MEF2D: variants seen among roughly 807,000 people sequenced by gnomAD.
MEF2D encodes the protein myocyte-specific enhancer factor 2D.
Under a neutral mutation model 59.3 loss-of-function variants are expected in MEF2D, and 10 were observed. That is an observed-to-expected ratio of 0.17 (90% CI 0.10 to 0.29). The LOEUF (loss-of-function observed/expected upper bound fraction) is 0.29. Among genes scored for constraint, MEF2D ranks in the 10% least tolerant of loss-of-function variants. The probability of loss-of-function intolerance (pLI) is 1.00; values close to 1 mark genes in which losing one functional copy is unlikely to be tolerated. For missense variants in MEF2D, 508 were observed against 699.4 expected, an observed-to-expected ratio of 0.73 and a Z score of 3.09; for synonymous variants, 305 against 295.0, an observed-to-expected ratio of 1.03 and a Z score of -0.35.
Position 156,485,701 on chromosome 1 carries a change from CTTT to C in MEF2D, c.-138-2274_-138-2272del, listed in dbSNP as rs534807814. On this transcript the variant is annotated intron_variant, in intron 1 of 11. Transcript: ENST00000348159. Reference sequence around the variant, plus strand: ...CACCCAGGTAATTTATTAATAATTTCTTTTTTTTTTTTTTGGTAGATACAGGGT... The same window carrying C: ...CACCCAGGTAATTTATTAATAATTTCTTTTTTTTTTTGGTAGATACAGGGT... Among the ~76,000 whole-genome samples, 5 of 134,708 alleles carry C rather than the reference CTTT, an allele frequency of 3.7e-5. No individual in the cohort carries two copies. In the South Asian group the frequency reaches 7.3e-4, roughly 20 times the overall value. The allele number at this position is 134,708 out of a possible 152,430, so 88.4% of individuals were successfully genotyped here. A position where few individuals can be genotyped will look rare whatever the true frequency, so the allele number is the denominator to read the frequency against.
intron 7 of MEF2D, chr1:156,476,779 T>C: frequency 3.1e-6 from 2 of 640,466 alleles, no homozygotes; most frequent in East Asian, 2.7e-5. Flanking sequence ...CCCCACCACT[T>C]CTCTCTCACC....
At chr1:156,492,192 G>GGA (rs1401438099) in intron 1 of MEF2D, among the ~76,000 whole-genome samples, 1 of 152,260 alleles carries the variant, frequency 6.6e-6, no homozygotes, top group African/African-American at 2.4e-5. Context: ...GGCAGCAGCA[G>GGA]GAGGGAGGTG....
At chr1:156,487,303 C>T (rs1246778296) in intron 1 of MEF2D, among the ~76,000 whole-genome samples, 1 of 152,138 alleles carries the variant, frequency 6.6e-6, no homozygotes, top group Non-Finnish European at 1.5e-5. Context: ...AAGACTAGGC[C>T]CCATCTATCC....
At chr1:156,493,562 G>GC (rs1236036716) in intron 1 of MEF2D, among the ~76,000 whole-genome samples, 1 of 150,564 alleles carries the variant, frequency 6.6e-6, no homozygotes, top group Non-Finnish European at 1.5e-5. Context: ...ATGGAGGGGG[G>GC]CCCAGAAGGA....
chr1:156,478,493 C>T (rs762656098), intron 6 of MEF2D, among the ~76,000 whole-genome samples: 7 of 152,070 alleles, frequency 4.6e-5, no homozygotes, highest in Non-Finnish European at 8.8e-5. Flanking sequence ...AGGGGCTGTC[C>T]GCTGCCAGGG....
At chr1:156,479,121 A>ATG (rs1671812057) in intron 6 of MEF2D, among the ~76,000 whole-genome samples, 169 bp downstream of exon 6, 1 of 152,128 alleles carries the variant, frequency 6.6e-6, no homozygotes, top group Non-Finnish European at 1.5e-5. Context: ...AATCATTGCT[A>ATG]CAGAAAACAA....
In MEF2D at chr1:156,477,055, C is replaced by T; in HGVS notation, c.812G>A (p.Arg271Gln). 4 of 1,613,898 alleles carry T rather than the reference C, an allele frequency of 2.5e-6. No homozygotes were observed. Among genetic ancestry groups the T allele is most frequent in the East Asian group, 2.2e-5 (1 of 44,878 alleles). Reference sequence around the variant, plus strand: ...CTTTCCTGCCTGGGAAGTGATGACTCGCAGGTCGGGCTTGCGGCTGGGGGC... The same window carrying T: ...CTTTCCTGCCTGGGAAGTGATGACTTGCAGGTCGGGCTTGCGGCTGGGGGC... ...LGAPSRKPDL[R>Q]VITSQAGKGL... The change falls in exon 7 of 12, where the codon CGA becomes CAA. Residue 271 changes from arginine to glutamine, a missense_variant. Transcript: ENST00000348159.
At chr1:156,488,807 C>T (rs887213447) in intron 1 of MEF2D, among the ~76,000 whole-genome samples, 1 of 152,160 alleles carries the variant, frequency 6.6e-6, no homozygotes, top group Non-Finnish European at 1.5e-5. Context: ...GTCAGGGTAG[C>T]CTCCTTGCAG....
intron 3 of MEF2D, among the ~76,000 whole-genome samples, chr1:156,481,733 T>C (rs1216592335): frequency 6.6e-6 from 1 of 152,258 alleles, no homozygotes; most frequent in Non-Finnish European, 1.5e-5. Context: ...GGCCTGTGGC[T>C]TCCCGGGCAC....
intron 4 of MEF2D, among the ~76,000 whole-genome samples, chr1:156,480,027 C>A (rs898692763): frequency 1.4e-4 from 22 of 152,156 alleles, no homozygotes; most frequent in African/African-American, 5.3e-4. Context: ...TTCTGGCCCA[C>A]AGAATGAGAA....
intron 3 of MEF2D, 84 bp from the exon 4 acceptor site, chr1:156,481,055 C>G: frequency 6.3e-7 from 1 of 1,576,490 alleles, no homozygotes; most frequent in Admixed American, 1.8e-5. Context: ...TCCCTAAGGG[C>G]CCCCTACTCT....
chr1:156,480,728 A>G, intron 4 of MEF2D, 106 bp downstream of exon 4: 1 of 1,605,922 alleles, frequency 6.2e-7, no homozygotes, highest in Non-Finnish European at 8.5e-7. Flanking sequence ...CAGGGCAAAC[A>G]CCTCGTCCAC....
chr1:156,479,186 A>C, intron 6 of MEF2D, 104 bp downstream of exon 6: 1 of 943,120 alleles, frequency 1.1e-6, no homozygotes, highest in Non-Finnish European at 1.5e-6. Flanking sequence ...TGGCCCTGGG[A>C]TCTTCCTCTC....
At position 156,464,083 on chromosome 1, in the gene MEF2D, G is replaced by C. The variant is rs943171686; in HGVS notation, c.*3562C>G. 6.6e-6 allele frequency: 1 copy of C among 152,378 alleles called. No homozygotes were observed. Among genetic ancestry groups the C allele is most frequent in the Non-Finnish European group, 1.5e-5 (1 of 68,024 alleles). The allele number at this position is 152,378 out of a possible 1,614,324, so 9.4% of individuals were successfully genotyped here. A position where few individuals can be genotyped will look rare whatever the true frequency, so the allele number is the denominator to read the frequency against. On this transcript the variant is annotated 3_prime_UTR_variant, in exon 12 of 12. Coordinates refer to ENST00000348159, the MANE Select transcript of MEF2D (RefSeq NM_005920.4). Reference sequence around the variant, plus strand: ...GAGAGAATCCAGATTCTCCATTCCAGCCTCCCTCCCCCCATACAAATACCA... The same window carrying C: ...GAGAGAATCCAGATTCTCCATTCCACCCTCCCTCCCCCCATACAAATACCA...
intron 1 of MEF2D, among the ~76,000 whole-genome samples, chr1:156,488,488 T>G (rs1672522489): frequency 6.6e-6 from 1 of 151,858 alleles, no homozygotes; most frequent in Non-Finnish European, 1.5e-5. Context: ...CAAAGAGAGC[T>G]GAGGGGACCA....
At chr1:156,467,722 C>A (rs540563561) in intron 11 of MEF2D, 66 bp from the exon 12 acceptor site, 5 of 1,341,764 alleles carry the variant, frequency 3.7e-6, no homozygotes, top group South Asian at 4.5e-5. Context: ...ATGCACCCCC[C>A]ACTCCCCTCT....
chr1:156,474,150 A>C lies in MEF2D; in HGVS notation c.1006+958T>G, dbSNP rs958763359. On this transcript the variant is annotated intron_variant, in intron 9 of 11. Coordinates refer to ENST00000348159, the MANE Select transcript of MEF2D (RefSeq NM_005920.4). ...TCTGAGGACAGGGGCTCCCTCCTCCATTAAGTACTTTTTAAAAAATAAACA... is the reference window on the plus strand; with the variant it reads ...TCTGAGGACAGGGGCTCCCTCCTCCCTTAAGTACTTTTTAAAAAATAAACA... Among the ~76,000 whole-genome samples the C allele has an allele frequency of 9.9e-5, 15 of 152,278 alleles. 1 individual carries two copies. Among genetic ancestry groups the C allele is most frequent in the Non-Finnish European group, 1.8e-4 (12 of 68,004 alleles).
At chr1:156,492,070 T>C (rs1672835105) in intron 1 of MEF2D, among the ~76,000 whole-genome samples, 1 of 152,246 alleles carries the variant, frequency 6.6e-6, no homozygotes, top group Non-Finnish European at 1.5e-5. Flanking sequence ...TAAGCAAGCA[T>C]GGCAGCTACA....
At chr1:156,487,547 C>T (rs1672453840) in intron 1 of MEF2D, among the ~76,000 whole-genome samples, 1 of 152,350 alleles carries the variant, frequency 6.6e-6, no homozygotes, top group African/African-American at 2.4e-5. Context: ...CTTTGAAAGC[C>T]CTGAGGCAAG....
Sources: gnomAD v4.1 joint callset for allele counts (sites outside exome capture counted in the v4.1 genomes callset) on GRCh38, gnomAD v4.1.1 for gene constraint, MANE v1.5 for transcripts, NCBI Gene and HGNC (gene_info 2026-07-23, HGNC 2026-07-21) for gene names.